TDRD7: variants seen among roughly 807,000 people sequenced by gnomAD.
TDRD7 encodes tudor domain containing 7.
Under a neutral mutation model 109.8 loss-of-function variants are expected in TDRD7, and 47 were observed. The observed-to-expected ratio is 0.43, with a 90% CI of 0.34 to 0.55. TDRD7 has a LOEUF of 0.55. Among genes scored for constraint, TDRD7 ranks in the 20% least tolerant of loss-of-function variants. TDRD7 has a pLI of 0.03. For missense variants in TDRD7, 1,164 were observed against 1,319.2 expected, an observed-to-expected ratio of 0.88 and a Z score of 1.82; for synonymous variants, 424 against 457.3, an observed-to-expected ratio of 0.93 and a Z score of 0.93.
chr9:97,447,757 T>C (rs1257872978), intron 6 of TDRD7, among the ~76,000 whole-genome samples: 1 of 152,162 alleles, frequency 6.6e-6, no homozygotes, highest in Non-Finnish European at 1.5e-5. Flanking sequence ...AAGGAATGTG[T>C]CCAATGCACA....
chr9:97,422,424 G>T (rs998676440), intron 1 of TDRD7, among the ~76,000 whole-genome samples: 4 of 152,042 alleles, frequency 2.6e-5, no homozygotes, highest in African/African-American at 9.7e-5. Flanking sequence ...ACCATATATG[G>T]GTTTATTTCT....
At chr9:97,430,032 A>G (rs1828073191) in intron 2 of TDRD7, among the ~76,000 whole-genome samples, 1 of 152,166 alleles carries the variant, frequency 6.6e-6, no homozygotes, top group Non-Finnish European at 1.5e-5. Context: ...CAGAAATAGA[A>G]ATACTGGGCC....
chr9:97,478,262 AAATAAT>A lies in TDRD7; in HGVS notation c.2167-163_2167-158del, dbSNP rs372745991. Among the ~76,000 whole-genome samples, 1,362 of 152,056 alleles carry A rather than the reference AAATAAT, an allele frequency of 9.0e-3. 13 individuals are homozygous for A. Among genetic ancestry groups the A allele is most frequent in the African/African-American group, 0.027 (1,136 of 41,492 alleles). On this transcript the variant is annotated intron_variant, in intron 12 of 16. Coordinates refer to ENST00000355295, the MANE Select transcript of TDRD7 (RefSeq NM_014290.3). Reference sequence around the variant, plus strand: ...GGTGACAGATCAAGACTCTGTCTCAAAATAATAATAATAATAATATTTAGTAAATAA... The same window carrying A: ...GGTGACAGATCAAGACTCTGTCTCAAAATAATAATAATATTTAGTAAATAA...
At chr9:97,424,413 C>T (rs185675324) in intron 1 of TDRD7, among the ~76,000 whole-genome samples, 53 of 152,046 alleles carry the variant, frequency 3.5e-4, no homozygotes, top group Admixed American at 1.3e-4. Flanking sequence ...TATCTATTGA[C>T]GAGAAAGGAG....
chr9:97,488,577 T>G (rs1342944040), intron 16 of TDRD7, among the ~76,000 whole-genome samples: 6 of 151,196 alleles, frequency 4.0e-5, no homozygotes, highest in Admixed American at 1.3e-4. Context: ...TTTTTTTTTT[T>G]TTGTTTTCAC....
chr9:97,461,667 G>A (rs919264750), intron 7 of TDRD7, among the ~76,000 whole-genome samples: 2 of 152,226 alleles, frequency 1.3e-5, no homozygotes, highest in Non-Finnish European at 2.9e-5. Context: ...ACTATAATTT[G>A]CAGTCTCCAT....
chr9:97,467,877 A>G (rs1255318734), intron 8 of TDRD7, among the ~76,000 whole-genome samples: 2 of 152,182 alleles, frequency 1.3e-5, no homozygotes, highest in Admixed American at 6.5e-5. Flanking sequence ...GAGATTCAGG[A>G]TATATTTGGA....
chr9:97,415,121 GTGTT>G (rs1827790796), intron 1 of TDRD7, among the ~76,000 whole-genome samples: 1 of 152,200 alleles, frequency 6.6e-6, no homozygotes, highest in Admixed American at 6.5e-5. Flanking sequence ...AGATTACTTG[GTGTT>G]TTCAGTTTAC....
chr9:97,429,234 T>C (rs1828059184), intron 2 of TDRD7, among the ~76,000 whole-genome samples: 1 of 152,208 alleles, frequency 6.6e-6, no homozygotes, highest in Admixed American at 6.5e-5. Flanking sequence ...TCTGCCTCTC[T>C]GGAAGAACAC....
At chr9:97,438,531 A>G (rs1238067308) in intron 4 of TDRD7, among the ~76,000 whole-genome samples, 3 of 152,144 alleles carry the variant, frequency 2.0e-5, no homozygotes, top group Non-Finnish European at 4.4e-5. Context: ...TGGGAACACA[A>G]ACAATTAAGA....
At chr9:97,434,547 T>C (rs1016178768) in intron 4 of TDRD7, among the ~76,000 whole-genome samples, 1 of 152,194 alleles carries the variant, frequency 6.6e-6, no homozygotes, top group Admixed American at 6.6e-5. Flanking sequence ...CAGCTTGATT[T>C]AGCCATTCCA....
chr9:97,417,200 A>G (rs939135108), intron 1 of TDRD7, among the ~76,000 whole-genome samples: 1 of 152,212 alleles, frequency 6.6e-6, no homozygotes, highest in African/African-American at 2.4e-5. Flanking sequence ...CATGGAGCCC[A>G]GGATGGGTGA....
intron 1 of TDRD7, among the ~76,000 whole-genome samples, chr9:97,422,979 G>A (rs537437733): frequency 2.0e-5 from 3 of 152,258 alleles, no homozygotes; most frequent in Admixed American, 6.5e-5. Flanking sequence ...TGAGGGATAT[G>A]GTCTGTACTT....
At chr9:97,431,127 C>T in intron 3 of TDRD7, 53 bp downstream of exon 3, 6 of 1,603,650 alleles carry the variant, frequency 3.7e-6, no homozygotes, top group Non-Finnish European at 5.1e-6. Flanking sequence ...AATACATTAT[C>T]ATAGGGAATT....
chr9:97,420,034 GAAAT>G (rs1244940726), intron 1 of TDRD7, among the ~76,000 whole-genome samples: 2 of 151,972 alleles, frequency 1.3e-5, no homozygotes, highest in African/African-American at 4.8e-5. Context: ...TTACATAAGA[GAAAT>G]AAAAACATGT....
At chr9:97,481,669 A>G (rs1335763051) in intron 14 of TDRD7, among the ~76,000 whole-genome samples, 1 of 152,206 alleles carries the variant, frequency 6.6e-6, no homozygotes, top group Non-Finnish European at 1.5e-5. Flanking sequence ...TTACATGCTT[A>G]ATTATATACT....
At chr9:97,444,554 G>A (rs1828366971) in intron 6 of TDRD7, among the ~76,000 whole-genome samples, 1 of 152,230 alleles carries the variant, frequency 6.6e-6, no homozygotes, top group South Asian at 2.1e-4. Context: ...TAGGACAGAT[G>A]TTACTACAAG....
At chr9:97,465,060 G>A in intron 8 of TDRD7, 32 bp downstream of exon 8, 1 of 1,599,028 alleles carries the variant, frequency 6.3e-7, no homozygotes, top group South Asian at 1.1e-5. Context: ...ATAGCATTAT[G>A]GATACAAATA....
chr9:97,453,663 GACAC>G (rs1828540929), intron 6 of TDRD7, among the ~76,000 whole-genome samples: 1 of 152,040 alleles, frequency 6.6e-6, no homozygotes, highest in Non-Finnish European at 1.5e-5. Flanking sequence ...TACATGCAAA[GACAC>G]ACACAGGCTC....
Sources: allele counts gnomAD v4.1 joint callset (sites outside exome capture counted in the v4.1 genomes callset), GRCh38; gene constraint gnomAD v4.1.1; transcripts MANE v1.5; gene names NCBI Gene and HGNC (gene_info 2026-07-23, HGNC 2026-07-21).